Variants in MGAT4C observed in about 807,000 individuals in gnomAD.
MGAT4C encodes MGAT4 family member C, also known as alpha-1,3-mannosyl-glycoprotein 4-beta-N-acetylglucosaminyltransferase C.
A neutral mutation model predicts 40.1 loss-of-function variants in MGAT4C; 19 were observed. The observed-to-expected ratio is 0.47, with a 90% CI of 0.33 to 0.70. MGAT4C has a LOEUF of 0.70. Among genes scored for constraint, MGAT4C ranks in the 30% least tolerant of loss-of-function variants. The probability of loss-of-function intolerance (pLI) is 0.02; values close to 1 mark genes in which losing one functional copy is unlikely to be tolerated. For synonymous variants in MGAT4C, 181 were observed against 187.1 expected, an observed-to-expected ratio of 0.97 and a Z score of 0.27; for missense variants, 491 against 563.2, an observed-to-expected ratio of 0.87 and a Z score of 1.30.
At chr12:86,617,355 T>C (rs1427779580) in intron 2 of MGAT4C, among the ~76,000 whole-genome samples, 2 of 152,184 alleles carry the variant, frequency 1.3e-5, no homozygotes, top group Non-Finnish European at 2.9e-5. Context: ...CATCCACAGA[T>C]TCAACCAACT....
rs186901283 is a variant in MGAT4C, at chr12:86,182,348, A to G, written c.-57+73891T>C. Among the ~76,000 whole-genome samples the G allele has an allele frequency of 2.1e-3, 324 of 152,280 alleles. 1 individual carries two copies. Among genetic ancestry groups the G allele is most frequent in the African/African-American group, 7.4e-3 (308 of 41,570 alleles). On this transcript the variant is annotated intron_variant, in intron 1 of 4. Transcript: ENST00000611864. ...CACAAAATTAAATATATTGTGATTA[A>G]CAACTTTCTTAATTTGAACTCTGTA...
chr12:86,766,208 G>T (rs1462179336), intron 1 of MGAT4C, among the ~76,000 whole-genome samples: 1 of 151,708 alleles, frequency 6.6e-6, no homozygotes, highest in African/African-American at 2.4e-5. Flanking sequence ...AAAAGGCAGG[G>T]GTTGCAATCC....
chr12:86,385,843 G>A (rs2136223971), intron 3 of MGAT4C, among the ~76,000 whole-genome samples: 1 of 152,254 alleles, frequency 6.6e-6, no homozygotes, highest in East Asian at 1.9e-4. Context: ...TTCCAGCTGT[G>A]ACTAAGATGT....
chr12:86,337,324 T>C (rs533426913), intron 3 of MGAT4C, among the ~76,000 whole-genome samples: 51 of 152,024 alleles, frequency 3.4e-4, no homozygotes, highest in Non-Finnish European at 7.1e-4. Context: ...TGGCTGGGCA[T>C]GGTGGCTCAT....
chr12:86,773,439 T>G (rs1169951663), intron 1 of MGAT4C, among the ~76,000 whole-genome samples: 2 of 152,044 alleles, frequency 1.3e-5, no homozygotes, highest in African/African-American at 4.8e-5. Flanking sequence ...GAAAATAAAT[T>G]TATACTTTTA....
intron 2 of MGAT4C, among the ~76,000 whole-genome samples, chr12:86,642,646 A>G (rs914235445): frequency 1.3e-5 from 2 of 151,766 alleles, no homozygotes; most frequent in Admixed American, 1.3e-4. Context: ...AAAATTTGAC[A>G]TTAGAGAAAT....
chr12:86,075,149 C>A (rs958367866), intron 1 of MGAT4C, among the ~76,000 whole-genome samples: 1 of 152,216 alleles, frequency 6.6e-6, no homozygotes, highest in African/African-American at 2.4e-5. Flanking sequence ...CAAAAGCGAG[C>A]TTGTTACCTC....
At chr12:86,834,881 T>C (rs528601210) in intron 1 of MGAT4C, among the ~76,000 whole-genome samples, 1 of 152,074 alleles carries the variant, frequency 6.6e-6, no homozygotes, top group Non-Finnish European at 1.5e-5. Flanking sequence ...CATCAGCAAG[T>C]ACTTGCTTTT....
In MGAT4C at chr12:85,978,158, C is replaced by T. The variant is rs1230050522; in HGVS notation, c.*1131G>A. The stretch of plus-strand genomic sequence containing the variant: ...TATTATTTATGCAGGAATTGTACCA[C>T]CTATTTCCAGATGGTATAACTTATT... On this transcript the variant is annotated 3_prime_UTR_variant, in exon 5 of 5. Coordinates refer to ENST00000611864, the MANE Select transcript of MGAT4C (RefSeq NM_001351288.2). 1 of 151,544 alleles carries T rather than the reference C, an allele frequency of 6.6e-6. No homozygotes were observed. Among genetic ancestry groups the T allele is most frequent in the African/African-American group, 2.4e-5 (1 of 41,358 alleles). The allele number at this position is 151,544 out of a possible 1,614,324, so 9.4% of individuals were successfully genotyped here.
At chr12:86,646,333 C>G (rs1412022465) in intron 2 of MGAT4C, among the ~76,000 whole-genome samples, 3 of 151,710 alleles carry the variant, frequency 2.0e-5, no homozygotes, top group African/African-American at 7.3e-5. Flanking sequence ...CTAATTTATT[C>G]AATAAATATT....
chr12:86,015,451 T>C (rs573576240), intron 2 of MGAT4C, among the ~76,000 whole-genome samples: 19 of 152,212 alleles, frequency 1.2e-4, no homozygotes, highest in Non-Finnish European at 2.1e-4. Context: ...TCTCCCATCT[T>C]GACTGTACGG....
chr12:86,358,374 T>G (rs961872216), intron 3 of MGAT4C, among the ~76,000 whole-genome samples: 2 of 152,112 alleles, frequency 1.3e-5, no homozygotes, highest in African/African-American at 2.4e-5. Context: ...TGCAAAAACA[T>G]GCCAAATTGT....
intron 2 of MGAT4C, among the ~76,000 whole-genome samples, chr12:86,480,390 T>A (rs1014765572): frequency 6.6e-6 from 1 of 151,706 alleles, no homozygotes; most frequent in South Asian, 2.1e-4. Flanking sequence ...TACATATGCA[T>A]ACATGTGTAC....
At chr12:86,769,033 G>T (rs4310674) in intron 1 of MGAT4C, among the ~76,000 whole-genome samples, 110,126 of 150,946 alleles carry the variant, frequency 0.73, 41,883 homozygotes, top group South Asian at 0.85. Context: ...CTAATTAAAC[G>T]AAAGAGCTTC....
chr12:86,750,514 A>G (rs1361440488), intron 1 of MGAT4C, among the ~76,000 whole-genome samples: 1 of 151,870 alleles, frequency 6.6e-6, no homozygotes, highest in East Asian at 1.9e-4. Context: ...AAACACAACA[A>G]AACAAACTTG....
intron 4 of MGAT4C, among the ~76,000 whole-genome samples, chr12:86,308,171 C>A (rs1953986476): frequency 6.6e-6 from 1 of 150,628 alleles, no homozygotes; most frequent in Admixed American, 6.6e-5. Context: ...TTTGCACACA[C>A]AGACATGTAT....
intron 2 of MGAT4C, among the ~76,000 whole-genome samples, chr12:86,657,614 A>T (rs1963882137): frequency 6.6e-6 from 1 of 151,952 alleles, no homozygotes. Context: ...AAGTCTAATC[A>T]ACACAGAAAA....
chr12:86,473,362 G>C (rs1957783398), intron 2 of MGAT4C, among the ~76,000 whole-genome samples: 1 of 152,168 alleles, frequency 6.6e-6, no homozygotes, highest in Non-Finnish European at 1.5e-5. Context: ...AACCACTGCT[G>C]TGATCAGAGT....
At chr12:86,186,229 T>A (rs1460544959) in intron 1 of MGAT4C, among the ~76,000 whole-genome samples, 1 of 152,086 alleles carries the variant, frequency 6.6e-6, no homozygotes, top group Non-Finnish European at 1.5e-5. Flanking sequence ...ATGTGAAATT[T>A]CTAGATCCTT....
Sources: allele counts gnomAD v4.1 joint callset (sites outside exome capture counted in the v4.1 genomes callset), GRCh38; gene constraint gnomAD v4.1.1; transcripts MANE v1.5; gene names NCBI Gene and HGNC (gene_info 2026-07-23, HGNC 2026-07-21).